The following PDZD4 variants were observed in gnomAD, a reference collection of about 807,000 sequenced individuals.
PDZD4 encodes the protein PDZ domain containing 4.
A neutral mutation model predicts 38.5 loss-of-function variants in PDZD4; 9 were observed. The observed-to-expected ratio is 0.23, with a 90% CI of 0.14 to 0.41. PDZD4 has a LOEUF of 0.41. PDZD4 is among the 10% of genes least tolerant of loss of function. The probability of loss-of-function intolerance (pLI) is 1.00; values close to 1 mark genes in which losing one functional copy is unlikely to be tolerated. For missense variants in PDZD4, 612 were observed against 722.0 expected (o/e 0.85, Z 1.75); for synonymous variants, 349 against 315.7 (o/e 1.11, Z -1.12).
At chrX:153,805,948 C>A in intron 5 of PDZD4, 123 bp downstream of exon 5, 1 of 752,128 alleles carries the variant, frequency 1.3e-6, no homozygotes, top group South Asian at 2.4e-5. Context: ...TAGGACACGG[C>A]AGGCTGCTGG....
chrX:153,807,979 C>A (rs2064270587), intron 2 of PDZD4: 1 of 1,005,936 alleles, frequency 9.9e-7, no homozygotes, highest in Non-Finnish European at 1.3e-6. Flanking sequence ...GGAGGAAATT[C>A]AGAGCAGGTA....
At position 153,803,944 on chromosome X, in the gene PDZD4, G is replaced by A. The variant is rs2092194023; in HGVS notation, c.1737C>T (p.Gly579=). ...SSPYLSRRHR[G]QGQEGEHYHS... ...GGTAGTGCTCGCCCTCCTGGCCCTGGCCGCGGTGGCGCCGCGAGAGGTAAG... is the reference window on the plus strand; with the variant it reads ...GGTAGTGCTCGCCCTCCTGGCCCTGACCGCGGTGGCGCCGCGAGAGGTAAG... Residue 579 remains glycine (G), a synonymous_variant, in exon 8 of 8, where the codon GGC becomes GGT. Coordinates refer to ENST00000393758, the MANE Select transcript of PDZD4 (RefSeq NM_001303512.2). 8.6e-7 allele frequency: 1 copy of A among 1,165,639 alleles called. No homozygotes were observed.
chrX:153,809,448 G>A (rs781840604), intron 1 of PDZD4, among the ~76,000 whole-genome samples: 36 of 112,284 alleles, frequency 3.2e-4, no homozygotes, highest in African/African-American at 1.1e-3. Context: ...TTAGCCGGGC[G>A]TGGTGGTGGG....
chrX:153,822,912 A>C (rs146638946), intron 1 of PDZD4, among the ~76,000 whole-genome samples: 1 of 110,241 alleles, frequency 9.1e-6, no homozygotes, highest in Non-Finnish European at 1.9e-5. Flanking sequence ...ATTGTACTAC[A>C]TCACACTTCT....
intron 7 of PDZD4, 76 bp downstream of exon 7, chrX:153,805,021 C>T: frequency 8.9e-7 from 1 of 1,122,897 alleles, no homozygotes. Flanking sequence ...CATTGGGAGA[C>T]CCTGCACAGC....
rs902221866 is a variant in PDZD4 at position 153,814,830 on chromosome X, C to T, written c.61-6235G>A. Reference sequence around the variant, plus strand: ...ATCATGCTTCACCTTAGCGAGGTCACCCCGTGGCAGTCAACCCTGTTGACT... The same window carrying T: ...ATCATGCTTCACCTTAGCGAGGTCATCCCGTGGCAGTCAACCCTGTTGACT... On this transcript the variant is annotated intron_variant, in intron 1 of 7. Coordinates refer to ENST00000393758, the MANE Select transcript of PDZD4 (RefSeq NM_001303512.2). Among the ~76,000 whole-genome samples, 4 of 111,694 alleles carry T rather than the reference C, an allele frequency of 3.6e-5. No homozygotes were observed. The East Asian group carries it at 1.1e-3, about 32-fold the overall frequency.
intron 2 of PDZD4, chrX:153,808,078 G>A: frequency 9.4e-7 from 1 of 1,066,654 alleles, no homozygotes; most frequent in Non-Finnish European, 1.2e-6. Flanking sequence ...AGGAGGAGCT[G>A]AGGCCCTCAA....
chrX:153,804,369 C>T lies in PDZD4; in HGVS notation c.1312G>A (p.Ala438Thr). ...AGGCTCTCCTCCTCCAGCAGCCAGG[C>T]CTTCATGCAGCGCTCACGCAGCTGC... ...MQQLRERCMKAWLLEEESLYD... is the reference protein window; with the variant it reads ...MQQLRERCMKTWLLEEESLYD... Residue 438 changes from alanine to threonine, a missense_variant, in exon 8 of 8, where the codon GCC becomes ACC. By Grantham distance (58) the Ala-to-Thr change is moderately conservative. This residue lies in a region of PDZD4 where 300 missense variants were observed against 284.6 expected (regional missense o/e 1.05). Coordinates refer to ENST00000393758, the MANE Select transcript of PDZD4 (RefSeq NM_001303512.2). 1 of 1,208,650 alleles carries T rather than the reference C, an allele frequency of 8.3e-7. No individual in the cohort carries two copies. Among genetic ancestry groups the T allele is most frequent in the Non-Finnish European group, 1.1e-6 (1 of 895,139 alleles).
At position 153,802,295 on chromosome X, in the gene PDZD4, C is replaced by G. The variant is rs1319995243; in HGVS notation, c.*1058G>C. 1 of 112,048 alleles carries G rather than the reference C, an allele frequency of 8.9e-6. No homozygotes were observed. The highest frequency in any genetic ancestry group is 2.8e-4 in the East Asian group (1 of 3,555). The allele number at this position is 112,048 out of a possible 1,213,427, so 9.2% of individuals were successfully genotyped here. A position where few individuals can be genotyped will look rare whatever the true frequency, so the allele number is the denominator to read the frequency against. On this transcript the variant is annotated 3_prime_UTR_variant, in exon 8 of 8. Transcript: ENST00000393758. The stretch of plus-strand genomic sequence containing the variant: ...CACCCCACAGGCAGCCTAGTTCACA[C>G]GTGCAAATCCTGAGGAGGTTGGGGG...
In PDZD4 at chrX:153,803,497, G is replaced by A; in HGVS notation, c.2184C>T (p.Ala728=). ...TCTTCATGGTTTTGCGGTGGCTCAG[G>A]GCAATGATGTTGAGCTCGGGCTTGC... ...GDSKPELNII[A]LSHRKTMKKR... The change falls in exon 8 of 8, where the codon GCC becomes GCT. Residue 728 remains alanine (A), a synonymous_variant. Coordinates refer to ENST00000393758, the MANE Select transcript of PDZD4 (RefSeq NM_001303512.2). 8.5e-7 allele frequency: 1 copy of A among 1,182,827 alleles called. No individual in the cohort carries two copies. The highest frequency in any genetic ancestry group is 3.0e-5 in the East Asian group (1 of 33,451).
At chrX:153,830,148 C>T (rs2064526959) in intron 1 of PDZD4, 91 bp downstream of exon 1, 2 of 884,024 alleles carry the variant, frequency 2.3e-6, no homozygotes, top group South Asian at 2.7e-5. Flanking sequence ...CGAGCCCTCC[C>T]GCTCTCCCAC....
chrX:153,825,365 C>T (rs1394901761), intron 1 of PDZD4, among the ~76,000 whole-genome samples: 1 of 112,038 alleles, frequency 8.9e-6, no homozygotes, highest in Non-Finnish European at 1.9e-5. Flanking sequence ...AAGGCCAAGA[C>T]AAGTTCAGCA....
intron 1 of PDZD4, among the ~76,000 whole-genome samples, chrX:153,822,615 T>C (rs782199907): frequency 9.8e-6 from 1 of 101,806 alleles, no homozygotes; most frequent in East Asian, 3.1e-4. Context: ...TGTCCATCTG[T>C]TTTTTCTTTC....
Position 153,830,363 on chromosome X carries a change from CGGGACCTCGGGTCCCGGGCCG to C in PDZD4, c.-86_-66del. ...AAGACGCCTTTCACTGACCCGGGCGCGGGACCTCGGGTCCCGGGCCGGGGCCAGGGGCCATACCCTGGCGCG... is the reference window on the plus strand; with the variant it reads ...AAGACGCCTTTCACTGACCCGGGCGCGGGCCAGGGGCCATACCCTGGCGCG... On this transcript the variant is annotated 5_prime_UTR_variant, in exon 1 of 8. Coordinates refer to ENST00000393758, the MANE Select transcript of PDZD4 (RefSeq NM_001303512.2). The C allele has an allele frequency of 9.5e-7, 1 of 1,056,114 alleles. No individual in the cohort carries two copies. The highest frequency in any genetic ancestry group is 1.3e-6 in the Non-Finnish European group (1 of 769,643). 87.0% of individuals were successfully genotyped at this position (1,056,114 alleles called of 1,213,427 possible). A position where few individuals can be genotyped will look rare whatever the true frequency, so the allele number is the denominator to read the frequency against.
intron 2 of PDZD4, chrX:153,808,022 T>C: frequency 9.6e-7 from 1 of 1,039,727 alleles, no homozygotes; most frequent in Admixed American, 3.0e-5. Context: ...TGCAAGAAGA[T>C]TCAAGGAGTG....
chrX:153,810,619 G>T (rs1386189211), intron 1 of PDZD4, among the ~76,000 whole-genome samples: 2 of 112,749 alleles, frequency 1.8e-5, no homozygotes, highest in Non-Finnish European at 3.8e-5. Flanking sequence ...AAGTTTAGAA[G>T]AACTCTCTGT....
intron 1 of PDZD4, among the ~76,000 whole-genome samples, chrX:153,824,318 C>T (rs989255016): frequency 9.0e-6 from 1 of 111,308 alleles, no homozygotes; most frequent in African/African-American, 3.3e-5. Context: ...ATTCAGTGTC[C>T]AGCCCTCTGT....
chrX:153,828,267 C>A (rs2064502447), intron 1 of PDZD4, among the ~76,000 whole-genome samples: 1 of 112,630 alleles, frequency 8.9e-6, no homozygotes, highest in African/African-American at 3.2e-5. Flanking sequence ...GCTTGCACTG[C>A]TTTCCGTATC....
Position 153,804,865 on chromosome X carries a change from G to C in PDZD4, c.816C>G (p.Ala272=). 2.3e-5 allele frequency: 28 copies of C among 1,209,805 alleles called. No individual in the cohort carries two copies. The highest frequency in any genetic ancestry group is 3.0e-5 in the Non-Finnish European group (27 of 894,518). Residue 272 remains alanine (A), a synonymous_variant, in exon 8 of 8, where the codon GCC becomes GCG. Transcript: ENST00000393758. ...CCTGGCTGTTGCTCAGGCCTGGGCC[G>C]GCATCGGGAGCCCCCTTCTCCTCTT... ...GNEEEKGAPD[A]GPGLSNSQEL...
Sources: allele counts gnomAD v4.1 joint callset (sites outside exome capture counted in the v4.1 genomes callset), GRCh38; gene constraint gnomAD v4.1.1; regional missense constraint gnomAD v4.1.1; transcripts MANE v1.5; gene names NCBI Gene and HGNC (gene_info 2026-07-23, HGNC 2026-07-21).